The following KIF26B variants were observed in gnomAD, a reference collection of about 807,000 sequenced individuals.
KIF26B encodes the protein kinesin-like protein KIF26B.
KIF26B carries 63 observed loss-of-function variants against 151.2 expected under a neutral mutation model. The ratio of observed to expected loss-of-function variants is 0.42; its 90% CI spans 0.34 to 0.51. The LOEUF (loss-of-function observed/expected upper bound fraction) is 0.51, where lower values mean the gene tolerates loss of function less well. Among genes scored for constraint, KIF26B ranks in the 20% least tolerant of loss-of-function variants. The pLI is 0.07. For missense variants in KIF26B, 2,813 were observed against 2,913.6 expected, an observed-to-expected ratio of 0.97 and a Z score of 0.79; for synonymous variants, 1,357 against 1,262.1, an observed-to-expected ratio of 1.08 and a Z score of -1.59.
intron 4 of KIF26B, among the ~76,000 whole-genome samples, chr1:245,515,465 G>A (rs1660941354): frequency 6.8e-6 from 1 of 147,206 alleles, no homozygotes; most frequent in African/African-American, 2.4e-5. Context: ...CAGAAGGAAT[G>A]GATGAAGAGT....
rs2043401178 is a variant in KIF26B at position 245,601,977 on chromosome 1, A to AC, written c.1351-599dup. On this transcript the variant is annotated intron_variant, in intron 5 of 14. Coordinates refer to ENST00000407071, the MANE Select transcript of KIF26B (RefSeq NM_018012.4). This position sits in a 1 kb window ranked among gnomAD's most constrained non-coding sequence, Gnocchi z 4.4. ...TGCACTTCCATTCTCTGAAACGACA[A>AC]CTTCTCTGCACTCGCTTAATGGGAT... is the stretch of plus-strand genomic sequence containing the variant. 6.6e-6 allele frequency among the ~76,000 whole-genome samples: 1 copy of AC among 152,122 alleles called. No homozygotes were observed. Among genetic ancestry groups the AC allele is most frequent in the African/African-American group, 2.4e-5 (1 of 41,428 alleles).
At chr1:245,561,923 C>T (rs114433770) in intron 5 of KIF26B, among the ~76,000 whole-genome samples, 3,758 of 152,278 alleles carry the variant, frequency 0.025, 94 homozygotes, top group Non-Finnish European at 0.036. Context: ...CAGTCTCCAT[C>T]CCAAGGCTCT....
At chr1:245,174,036 A>G (rs149968692) in intron 2 of KIF26B, among the ~76,000 whole-genome samples, 4 of 152,356 alleles carry the variant, frequency 2.6e-5, no homozygotes, top group African/African-American at 9.6e-5. Context: ...AGCACATTAA[A>G]TGGTTCCCTG....
chr1:245,365,377 A>T (rs924472511), intron 2 of KIF26B, among the ~76,000 whole-genome samples: 2 of 152,100 alleles, frequency 1.3e-5, no homozygotes, highest in Non-Finnish European at 2.9e-5. Flanking sequence ...TTAATCAATT[A>T]ATCAGTGCGT....
intron 4 of KIF26B, among the ~76,000 whole-genome samples, chr1:245,502,972 C>A (rs1660653494): frequency 6.6e-6 from 1 of 151,964 alleles, no homozygotes; most frequent in Non-Finnish European, 1.5e-5. Context: ...AGTGATTCTC[C>A]TTCCTCAGCC....
chr1:245,225,533 A>G (rs1669856641), intron 2 of KIF26B, among the ~76,000 whole-genome samples: 2 of 152,234 alleles, frequency 1.3e-5, no homozygotes, highest in African/African-American at 4.8e-5. Flanking sequence ...TGCTCCTGCC[A>G]TGTAATGATT....
chr1:245,386,855 C>T (rs565658773), intron 3 of KIF26B, among the ~76,000 whole-genome samples: 7 of 152,282 alleles, frequency 4.6e-5, no homozygotes, highest in East Asian at 1.9e-4. Context: ...TTCGGATGCC[C>T]GCTACGTGCC....
intron 3 of KIF26B, among the ~76,000 whole-genome samples, chr1:245,369,460 TATCCTAAGATATTAGC>T (rs1207672236): frequency 6.6e-6 from 1 of 152,244 alleles, no homozygotes; most frequent in Admixed American, 6.5e-5. Context: ...CGTTGATCAT[TATCCTAAGATATTAGC>T]ATTCTTGGAC....
At chr1:245,494,362 C>T (rs891027656) in intron 4 of KIF26B, among the ~76,000 whole-genome samples, 4 of 152,142 alleles carry the variant, frequency 2.6e-5, no homozygotes, top group East Asian at 1.9e-4. Flanking sequence ...GGAGAAAAGG[C>T]GCTAGGAGAT....
intron 4 of KIF26B, among the ~76,000 whole-genome samples, chr1:245,444,048 C>T (rs143014845): frequency 2.9e-4 from 30 of 104,864 alleles, no homozygotes; most frequent in African/African-American, 5.7e-4. Flanking sequence ...GGTCATCTCC[C>T]TCACTGTTCA....
chr1:245,687,172 A>T lies in KIF26B; in HGVS notation c.4189A>T (p.Ile1397Phe). 6.2e-7 allele frequency: 1 copy of T among 1,613,112 alleles called. No homozygotes were observed. Among genetic ancestry groups the T allele is most frequent in the Non-Finnish European group, 8.5e-7 (1 of 1,179,744 alleles). ...GACCAATATCACAGTTTACCCCTGC[A>T]TTGCCATGAGCCCCCGGAACATCCA... ...MKTNITVYPC[I>F]AMSPRNIQEP... is the part of the protein sequence containing the mutation. Residue 1397 changes from isoleucine to phenylalanine, a missense_variant, in exon 12 of 15, where the codon ATT becomes TTT. This residue lies in a region of KIF26B where 2,060 missense variants were observed against 2,088.6 expected (regional missense o/e 0.99). Transcript: ENST00000407071. The surrounding 1 kb of genome is among the most constrained non-coding windows in gnomAD (Gnocchi z 4.9).
chr1:245,561,869 T>G (rs2042955541), intron 5 of KIF26B, among the ~76,000 whole-genome samples: 1 of 152,194 alleles, frequency 6.6e-6, no homozygotes. Flanking sequence ...GTCCACCTGA[T>G]TCTCACTACT....
rs562283489 is a variant in KIF26B at position 245,326,650 on chromosome 1, T to G, written c.466-40184T>G. 9.8e-4 allele frequency among the ~76,000 whole-genome samples: 149 copies of G among 152,312 alleles called. 2 individuals carry two copies. Among genetic ancestry groups the G allele is most frequent in the Non-Finnish European group, 1.8e-3 (122 of 68,016 alleles). On this transcript the variant is annotated intron_variant, in intron 2 of 14. Coordinates refer to ENST00000407071, the MANE Select transcript of KIF26B (RefSeq NM_018012.4). ...GCTTGGCACAAGGAGCAGCAGCTGGTAAGGACCAGGAGACAGCCCGGCCTC... is the reference window on the plus strand; with the variant it reads ...GCTTGGCACAAGGAGCAGCAGCTGGGAAGGACCAGGAGACAGCCCGGCCTC...
At position 245,650,683 on chromosome 1, in the gene KIF26B, G is replaced by A. The variant is rs905918362; in HGVS notation, c.2258+4403G>A. 2.0e-5 allele frequency among the ~76,000 whole-genome samples: 3 copies of A among 152,262 alleles called. No homozygotes were observed. The East Asian group carries it at 5.8e-4, about 29-fold the overall frequency. Reference sequence around the variant, plus strand: ...ATATGGAGAAAGAATTCCTTTAATGGGTCATATGACCTGTTTGCTTATTTG... The same window carrying A: ...ATATGGAGAAAGAATTCCTTTAATGAGTCATATGACCTGTTTGCTTATTTG... On this transcript the variant is annotated intron_variant, in intron 10 of 14. Coordinates refer to ENST00000407071, the MANE Select transcript of KIF26B (RefSeq NM_018012.4).
chr1:245,257,469 G>A (rs1670558017), intron 2 of KIF26B, among the ~76,000 whole-genome samples: 1 of 152,316 alleles, frequency 6.6e-6, no homozygotes, highest in Non-Finnish European at 1.5e-5. Flanking sequence ...GAATACGTGT[G>A]TGGGCATCTG....
chr1:245,419,329 A>G (rs1658412944), intron 3 of KIF26B, among the ~76,000 whole-genome samples: 1 of 152,346 alleles, frequency 6.6e-6, no homozygotes, highest in Middle Eastern at 3.4e-3. Flanking sequence ...GAAGACACAG[A>G]CATAATTGAA....
intron 2 of KIF26B, among the ~76,000 whole-genome samples, chr1:245,266,994 C>A (rs1670759083): frequency 6.6e-6 from 1 of 152,228 alleles, no homozygotes; most frequent in Non-Finnish European, 1.5e-5. Flanking sequence ...TTATCCTTAT[C>A]CTTTTTAGTA....
intron 10 of KIF26B, among the ~76,000 whole-genome samples, chr1:245,663,718 G>A (rs1180530874): frequency 6.6e-6 from 1 of 152,186 alleles, no homozygotes; most frequent in Non-Finnish European, 1.5e-5. Context: ...CAGATATGGA[G>A]AACTAAGCGT....
intron 10 of KIF26B, among the ~76,000 whole-genome samples, chr1:245,674,637 A>G (rs1400024130): frequency 1.3e-5 from 2 of 152,196 alleles, no homozygotes; most frequent in Non-Finnish European, 2.9e-5. Flanking sequence ...GTTTTCATCA[A>G]AGTGATGACA....
Sources: gnomAD v4.1 joint callset for allele counts (sites outside exome capture counted in the v4.1 genomes callset) on GRCh38, gnomAD v4.1.1 for gene constraint, gnomAD v4.1.1 regional missense constraint, Gnocchi (gnomAD v3.1) non-coding constraint, MANE v1.5 for transcripts, NCBI Gene and HGNC (gene_info 2026-07-23, HGNC 2026-07-21) for gene names.